Variants in PIEZO2 observed in about 807,000 individuals in gnomAD.
PIEZO2 encodes the protein piezo-type mechanosensitive ion channel component 2.
Under a neutral mutation model 337.3 loss-of-function variants are expected in PIEZO2, and 172 were observed. That is an observed-to-expected ratio of 0.51 (90% CI 0.45 to 0.58). PIEZO2 has a LOEUF of 0.58. Among genes scored for constraint, PIEZO2 ranks in the 20% least tolerant of loss-of-function variants. The pLI, the probability that PIEZO2 is intolerant of heterozygous loss-of-function variation, is 0.00. For missense variants in PIEZO2, 3,028 were observed against 3,391.3 expected, an observed-to-expected ratio of 0.89 and a Z score of 2.66; for synonymous variants, 1,251 against 1,228.5, an observed-to-expected ratio of 1.02 and a Z score of -0.38.
Position 10,676,664 on chromosome 18 carries a change from T to G in PIEZO2, c.8081+1083A>C, listed in dbSNP as rs1314575827. 6.6e-6 allele frequency among the ~76,000 whole-genome samples: 1 copy of G among 152,194 alleles called. No homozygotes were observed. The highest frequency in any genetic ancestry group is 1.5e-5 in the Non-Finnish European group (1 of 68,030). Reference sequence around the variant, plus strand: ...GATTATGGTCAGATAAGAGCAAGGTTTGTCATCTAGAGATGAGATCAATAC... The same window carrying G: ...GATTATGGTCAGATAAGAGCAAGGTGTGTCATCTAGAGATGAGATCAATAC... On this transcript the variant is annotated intron_variant, in intron 53 of 55. Transcript: ENST00000674853. This position sits in a 1 kb window ranked among gnomAD's most constrained non-coding sequence, Gnocchi z 5.1.
At chr18:10,970,986 C>G (rs1050762334) in intron 3 of PIEZO2, among the ~76,000 whole-genome samples, 8 of 152,128 alleles carry the variant, frequency 5.3e-5, no homozygotes, top group Non-Finnish European at 1.0e-4. Flanking sequence ...ACGGCAATTT[C>G]CACCGATGGG....
rs2041726515 is a variant in PIEZO2 at position 10,857,079 on chromosome 18, A to G, written c.625T>C (p.Ser209Pro). The G allele has an allele frequency of 6.5e-7, 1 of 1,537,392 alleles. No homozygotes were observed. ...KMFRRLASVA[S>P]KLKEFIGNMI... ...TTGCCAATGAACTCCTTGAGCTTAGAGGCCACAGAGGCAAGCCTGCGGAAC... is the reference window on the plus strand; with the variant it reads ...TTGCCAATGAACTCCTTGAGCTTAGGGGCCACAGAGGCAAGCCTGCGGAAC... The change falls in exon 6 of 56, where the codon TCT becomes CCT. Residue 209 changes from serine (S) to proline (P), a missense_variant. Physicochemically the swap from Ser to Pro is moderately conservative, Grantham distance 74 (BLOSUM62 -1). Around this residue, in one of 5 missense-constraint regions of PIEZO2, gnomAD observed 542 missense variants for 605.6 expected, o/e 0.89. Transcript: ENST00000674853.
At position 10,903,541 on chromosome 18, in the gene PIEZO2, G is replaced by C. The variant is rs781193900; in HGVS notation, c.329+7645C>G. ...AAAAATTAGCTGGGCATAGTGGCGC[G>C]CTCCTGTAGTCCCAGCTACTTGGGA... On this transcript the variant is annotated intron_variant, in intron 4 of 55. Transcript: ENST00000674853. This position sits in a 1 kb window ranked among gnomAD's most constrained non-coding sequence, Gnocchi z 4.1. 2.6e-5 allele frequency among the ~76,000 whole-genome samples: 4 copies of C among 151,998 alleles called. No homozygotes were observed. The highest frequency in any genetic ancestry group is 4.4e-5 in the Non-Finnish European group (3 of 68,014).
intron 47 of PIEZO2, among the ~76,000 whole-genome samples, chr18:10,692,205 A>T (rs761465568): frequency 1.7e-4 from 26 of 152,300 alleles, no homozygotes; most frequent in Middle Eastern, 6.8e-3. Flanking sequence ...AAAACATTTT[A>T]GAATATAATT....
At position 11,127,637 on chromosome 18, in the gene PIEZO2, T is replaced by A. The variant is rs368253842; in HGVS notation, c.64+20888A>T. On this transcript the variant is annotated intron_variant, in intron 1 of 55. Coordinates refer to ENST00000674853, the MANE Select transcript of PIEZO2 (RefSeq NM_001378183.1). This position sits in a 1 kb window ranked among gnomAD's most constrained non-coding sequence, Gnocchi z 4.5. Reference sequence around the variant, plus strand: ...TGCTCCTCAGCTTGCAGAAAGCCTATTGTGGGACCTTGTGATCATGTAAGT... The same window carrying A: ...TGCTCCTCAGCTTGCAGAAAGCCTAATGTGGGACCTTGTGATCATGTAAGT... 6.6e-6 allele frequency among the ~76,000 whole-genome samples: 1 copy of A among 152,014 alleles called. No individual in the cohort carries two copies. Among genetic ancestry groups the A allele is most frequent in the East Asian group, 1.9e-4 (1 of 5,186 alleles).
intron 2 of PIEZO2, among the ~76,000 whole-genome samples, chr18:10,998,583 ATCCAC>A (rs1248505842): frequency 1.3e-5 from 2 of 152,150 alleles, no homozygotes; most frequent in East Asian, 3.8e-4. Context: ...CCTAATAAAT[ATCCAC>A]TCATAACTCA....
intron 3 of PIEZO2, among the ~76,000 whole-genome samples, chr18:10,961,947 T>C (rs527990170): frequency 6.6e-6 from 1 of 152,274 alleles, no homozygotes; most frequent in South Asian, 2.1e-4. Flanking sequence ...AGCATACGCA[T>C]CAGCATGGAA....
intron 36 of PIEZO2, among the ~76,000 whole-genome samples, chr18:10,725,687 G>A (rs1160889023): frequency 1.3e-5 from 2 of 152,150 alleles, no homozygotes; most frequent in East Asian, 1.9e-4. Flanking sequence ...TGGTCCTTTC[G>A]GGTATATTTT....
In PIEZO2 at chr18:11,048,317, G is replaced by GT. The variant is rs1354061560; in HGVS notation, c.160+17809dup. Among the ~76,000 whole-genome samples the GT allele has an allele frequency of 6.6e-6, 1 of 152,172 alleles. No individual in the cohort carries two copies. The highest frequency in any genetic ancestry group is 1.5e-5 in the Non-Finnish European group (1 of 68,040). On this transcript the variant is annotated intron_variant, in intron 2 of 55. Coordinates refer to ENST00000674853, the MANE Select transcript of PIEZO2 (RefSeq NM_001378183.1). This position sits in a 1 kb window ranked among gnomAD's most constrained non-coding sequence, Gnocchi z 4.5. ...GTGACCCACAAGATTGAAAAGACCT[G>GT]TCTTACGGTTACTCATGGCTCTGGG...
chr18:10,746,284 C>A lies in PIEZO2; in HGVS notation c.4425-2053G>T, dbSNP rs890133328. Among the ~76,000 whole-genome samples, 1 of 152,216 alleles carries A rather than the reference C, an allele frequency of 6.6e-6. No homozygotes were observed. The highest frequency in any genetic ancestry group is 2.4e-5 in the African/African-American group (1 of 41,458). On this transcript the variant is annotated intron_variant, in intron 30 of 55. Coordinates refer to ENST00000674853, the MANE Select transcript of PIEZO2 (RefSeq NM_001378183.1). The surrounding 1 kb of genome is among the most constrained non-coding windows in gnomAD (Gnocchi z 4.2). ...TCTAAAGACATATCTGGGCTGATAG[C>A]CCCCTGAGGACCTGGCCTCTCCTGG...
At position 10,820,422 on chromosome 18, in the gene PIEZO2, T is replaced by C. The variant is rs919423102; in HGVS notation, c.918-13148A>G. 2.0e-5 allele frequency among the ~76,000 whole-genome samples: 3 copies of C among 152,038 alleles called. No homozygotes were observed. In the South Asian group the frequency reaches 6.2e-4, roughly 32 times the overall value. On this transcript the variant is annotated intron_variant, in intron 7 of 55. Coordinates refer to ENST00000674853, the MANE Select transcript of PIEZO2 (RefSeq NM_001378183.1). ...TTATCATTCTATCCTCAAGTTCATC[T>C]ATCTTTTCTTCTGTGGTATTTAATT...
intron 9 of PIEZO2, among the ~76,000 whole-genome samples, 176 bp from the exon 10 acceptor site, chr18:10,801,604 G>A (rs2039818277): frequency 6.6e-6 from 1 of 152,168 alleles, no homozygotes; most frequent in South Asian, 2.1e-4. Flanking sequence ...GGATGCTGCT[G>A]TTTATGACAA....
intron 52 of PIEZO2, 58 bp downstream of exon 52, chr18:10,680,141 C>T: frequency 6.9e-7 from 1 of 1,449,836 alleles, no homozygotes; most frequent in Non-Finnish European, 9.4e-7. Flanking sequence ...CTCCCTCCCC[C>T]AACTCCATGT....
chr18:11,147,564 C>T (rs1179599425), intron 1 of PIEZO2, among the ~76,000 whole-genome samples: 1 of 152,240 alleles, frequency 6.6e-6, no homozygotes, highest in African/African-American at 2.4e-5. Context: ...CTGCGAAGGC[C>T]ACGCCCTCTG....
intron 33 of PIEZO2, chr18:10,737,739 C>A (rs1476411495): frequency 6.6e-6 from 1 of 152,130 alleles, no homozygotes; most frequent in Non-Finnish European, 1.5e-5. Context: ...AAAAGAGGCC[C>A]AACATATACA....
At chr18:10,887,974 G>A (rs1227716142) in intron 4 of PIEZO2, among the ~76,000 whole-genome samples, 3 of 152,094 alleles carry the variant, frequency 2.0e-5, no homozygotes, top group African/African-American at 7.2e-5. Context: ...TACTTTGTAT[G>A]TGATTTGAAC....
At chr18:10,987,503 C>T (rs1260270788) in intron 2 of PIEZO2, among the ~76,000 whole-genome samples, 6 of 151,940 alleles carry the variant, frequency 3.9e-5, no homozygotes, top group East Asian at 1.9e-4. Flanking sequence ...AATTGGATTA[C>T]CATGTACAAA....
In PIEZO2 at chr18:10,860,415, A is replaced by G. The variant is rs147892083; in HGVS notation, c.493-3204T>C. ...GGACAGGTTGTTCCCACCCCTTAGG[A>G]TGCCTTCTCCAGCTCCTAAGGCCCG... On this transcript the variant is annotated intron_variant, in intron 5 of 55. Coordinates refer to ENST00000674853, the MANE Select transcript of PIEZO2 (RefSeq NM_001378183.1). Among the ~76,000 whole-genome samples, 500 of 152,172 alleles carry G rather than the reference A, an allele frequency of 3.3e-3. 5 individuals are homozygous for G. The highest frequency in any genetic ancestry group is 0.033 in the South Asian group (157 of 4,814).
At position 11,149,567 on chromosome 18, in the gene PIEZO2, A is replaced by C. The variant is rs1186635117; in HGVS notation, c.-979T>G. Among the ~76,000 whole-genome samples, 1 of 151,226 alleles carries C rather than the reference A, an allele frequency of 6.6e-6. No individual in the cohort carries two copies. The highest frequency in any genetic ancestry group is 1.5e-5 in the Non-Finnish European group (1 of 67,724). ...CGGCGGCGCGCGCTTCTCCACCTTC[A>C]ATGAAACTTTCGAAGCCCTCACTCG... On this transcript the variant is annotated 5_prime_UTR_variant, in exon 1 of 56. In the 5' UTR this introduces an upstream ATG that the reference lacks. Coordinates refer to ENST00000674853, the MANE Select transcript of PIEZO2 (RefSeq NM_001378183.1). The surrounding 1 kb of genome is among the most constrained non-coding windows in gnomAD (Gnocchi z 8.7).
Sources: allele counts gnomAD v4.1 joint callset (sites outside exome capture counted in the v4.1 genomes callset), GRCh38; gene constraint gnomAD v4.1.1; regional missense constraint gnomAD v4.1.1; non-coding constraint Gnocchi (gnomAD v3.1); transcripts MANE v1.5; gene names NCBI Gene and HGNC (gene_info 2026-07-23, HGNC 2026-07-21).